CSMD1: variants seen among roughly 807,000 people sequenced by gnomAD.
CSMD1 encodes the protein CUB and Sushi multiple domains 1.
Under a neutral mutation model 417.5 loss-of-function variants are expected in CSMD1, and 213 were observed. The ratio of observed to expected loss-of-function variants is 0.51; its 90% CI spans 0.46 to 0.57. The LOEUF is 0.57. Ranked by LOEUF, CSMD1 falls within the 20% of genes least tolerant of loss-of-function variation. The pLI is 0.00. For missense variants in CSMD1, 6,923 were observed against 4,529.7 expected (o/e 1.53, Z -15.17); for synonymous variants, 2,862 against 1,736.8 (o/e 1.65, Z -16.11).
At chr8:3,632,832 C>T (rs1404175595) in intron 7 of CSMD1, among the ~76,000 whole-genome samples, 1 of 152,078 alleles carries the variant, frequency 6.6e-6, no homozygotes, top group Non-Finnish European at 1.5e-5. Context: ...TATTGGTTCC[C>T]CTTCAGAGAT....
At chr8:4,205,836 A>T (rs1184363333) in intron 3 of CSMD1, among the ~76,000 whole-genome samples, 1 of 152,170 alleles carries the variant, frequency 6.6e-6, no homozygotes, top group African/African-American at 2.4e-5. Flanking sequence ...CCATTAACAT[A>T]TGAGTACAAA....
At chr8:4,765,480 T>G (rs555046386) in intron 1 of CSMD1, among the ~76,000 whole-genome samples, 3 of 152,368 alleles carry the variant, frequency 2.0e-5, no homozygotes, top group African/African-American at 7.2e-5. Context: ...AAAAAGTGTT[T>G]GCAGATGCCT....
chr8:3,274,808 G>C (rs968891614), intron 26 of CSMD1, among the ~76,000 whole-genome samples: 1 of 151,900 alleles, frequency 6.6e-6, no homozygotes, highest in South Asian at 2.1e-4. Flanking sequence ...CTTTCATTTT[G>C]AGCCTATGTG....
chr8:3,705,728 G>A (rs1424054222), intron 7 of CSMD1, among the ~76,000 whole-genome samples: 1 of 152,174 alleles, frequency 6.6e-6, no homozygotes, highest in Non-Finnish European at 1.5e-5. Context: ...TATCACTTCT[G>A]CAAGAGAGGT....
At chr8:4,412,295 C>T (rs190021085) in intron 3 of CSMD1, among the ~76,000 whole-genome samples, 4 of 152,234 alleles carry the variant, frequency 2.6e-5, no homozygotes, top group East Asian at 3.9e-4. Flanking sequence ...ACCATCCTCT[C>T]GGTTGCTCTC....
chr8:2,955,562 T>A, intron 64 of CSMD1, 27 bp downstream of exon 64: 1 of 1,610,764 alleles, frequency 6.2e-7, no homozygotes, highest in Non-Finnish European at 8.5e-7. Flanking sequence ...TTTGGAAAAG[T>A]ATGCCACTCC....
At chr8:4,101,175 C>T (rs1050655455) in intron 3 of CSMD1, among the ~76,000 whole-genome samples, 1 of 152,214 alleles carries the variant, frequency 6.6e-6, no homozygotes, top group Non-Finnish European at 1.5e-5. Context: ...ATGAGTCCAT[C>T]TGAATACATC....
intron 3 of CSMD1, among the ~76,000 whole-genome samples, chr8:4,349,486 A>C (rs964780622): frequency 1.3e-5 from 2 of 152,162 alleles, no homozygotes; most frequent in African/African-American, 4.8e-5. Flanking sequence ...GAAAATGGAG[A>C]GCTCTATCTA....
At chr8:3,022,677 G>T (rs560294189) in intron 51 of CSMD1, among the ~76,000 whole-genome samples, 7 of 87,790 alleles carry the variant, frequency 8.0e-5, no homozygotes, top group Admixed American at 7.9e-4. Context: ...ATACATTCTA[G>T]CTAAAAAAAA....
At chr8:3,820,376 G>C (rs1484532181) in intron 5 of CSMD1, among the ~76,000 whole-genome samples, 1 of 152,154 alleles carries the variant, frequency 6.6e-6, no homozygotes, top group African/African-American at 2.4e-5. Context: ...TTTGAACTGA[G>C]TACCAAAGAA....
At chr8:3,694,991 AAGAT>A (rs1444637618) in intron 7 of CSMD1, among the ~76,000 whole-genome samples, 1 of 152,010 alleles carries the variant, frequency 6.6e-6, no homozygotes. Context: ...TGAGTTTTTA[AAGAT>A]GATTAGGACA....
chr8:4,518,921 T>A (rs1472224455), intron 2 of CSMD1, among the ~76,000 whole-genome samples: 1 of 152,146 alleles, frequency 6.6e-6, no homozygotes, highest in East Asian at 1.9e-4. Context: ...TGTCATGAGT[T>A]AAAGAATTTA....
At chr8:4,081,854 T>C (rs753930750) in intron 3 of CSMD1, among the ~76,000 whole-genome samples, 3 of 152,034 alleles carry the variant, frequency 2.0e-5, no homozygotes, top group Non-Finnish European at 4.4e-5. Flanking sequence ...ACCAAATAAT[T>C]AGAAAAATAA....
At chr8:3,280,458 T>G (rs1466657284) in intron 26 of CSMD1, among the ~76,000 whole-genome samples, 1 of 152,196 alleles carries the variant, frequency 6.6e-6, no homozygotes, top group Non-Finnish European at 1.5e-5. Flanking sequence ...GTTTTTCCTT[T>G]CAATAAACTT....
At chr8:4,827,014 G>C (rs1239127900) in intron 1 of CSMD1, among the ~76,000 whole-genome samples, 2 of 151,936 alleles carry the variant, frequency 1.3e-5, no homozygotes, top group African/African-American at 4.8e-5. Flanking sequence ...TATCTTCCAT[G>C]GACCACATTT....
intron 26 of CSMD1, among the ~76,000 whole-genome samples, chr8:3,242,096 GAAA>G (rs1799572606): frequency 1.0e-4 from 1 of 9,730 alleles, no homozygotes; most frequent in African/African-American, 2.0e-4. Flanking sequence ...TTGGGATAAA[GAAA>G]AAGGAGCATT....
chr8:3,305,386 AAATTT>A (rs1270841076), intron 25 of CSMD1, among the ~76,000 whole-genome samples: 3 of 152,144 alleles, frequency 2.0e-5, no homozygotes, highest in Admixed American at 2.0e-4. Flanking sequence ...ACTCATGTTG[AAATTT>A]AATTGCCATT....
At chr8:3,459,791 T>A (rs1208582803) in intron 12 of CSMD1, among the ~76,000 whole-genome samples, 1 of 151,976 alleles carries the variant, frequency 6.6e-6, no homozygotes, top group East Asian at 1.9e-4. Flanking sequence ...CAGAGCAGCA[T>A]CAACAACCAG....
chr8:4,502,482 A>G (rs1802309473), intron 2 of CSMD1, among the ~76,000 whole-genome samples: 1 of 152,190 alleles, frequency 6.6e-6, no homozygotes, highest in South Asian at 2.1e-4. Context: ...AACAGTCATT[A>G]CCAAATTCTG....
Sources: allele counts gnomAD v4.1 joint callset (sites outside exome capture counted in the v4.1 genomes callset), GRCh38; gene constraint gnomAD v4.1.1; transcripts MANE v1.5; gene names NCBI Gene and HGNC (gene_info 2026-07-23, HGNC 2026-07-21).